The following UBE2V1 variants were observed in gnomAD, a reference collection of about 807,000 sequenced individuals.
UBE2V1 encodes ubiquitin conjugating enzyme E2 V1.
A neutral mutation model predicts 19.6 loss-of-function variants in UBE2V1; 15 were observed. The ratio of observed to expected loss-of-function variants is 0.77; its 90% CI spans 0.51 to 1.18. The LOEUF (loss-of-function observed/expected upper bound fraction) is 1.18, where lower values mean the gene tolerates loss of function less well. UBE2V1 is among the 50% of genes most tolerant of loss of function. The pLI is 0.00. For missense variants in UBE2V1, 125 were observed against 184.8 expected (o/e 0.68, Z 1.88); for synonymous variants, 60 against 60.7 (o/e 0.99, Z 0.05).
intron 1 of UBE2V1, among the ~76,000 whole-genome samples, chr20:50,100,175 G>C (rs2079894579): frequency 6.6e-6 from 1 of 151,732 alleles, no homozygotes; most frequent in Non-Finnish European, 1.5e-5. Flanking sequence ...CAGCTGCTTA[G>C]GAGGCTGAGA....
chr20:50,092,377 C>G (rs1479782514), intron 2 of UBE2V1, among the ~76,000 whole-genome samples: 1 of 152,000 alleles, frequency 6.6e-6, no homozygotes, highest in Non-Finnish European at 1.5e-5. Flanking sequence ...CAGTGCTCCT[C>G]GATGAGGGCC....
intron 2 of UBE2V1, among the ~76,000 whole-genome samples, chr20:50,090,100 G>A (rs1203408253): frequency 2.6e-5 from 4 of 152,330 alleles, no homozygotes; most frequent in East Asian, 3.9e-4. Context: ...TACTGTTTCT[G>A]CAGCAGTATC....
chr20:50,102,698 C>A (rs920221444), intron 1 of UBE2V1, among the ~76,000 whole-genome samples: 2 of 152,260 alleles, frequency 1.3e-5, no homozygotes, highest in Admixed American at 1.3e-4. Context: ...GGCCGACGAT[C>A]CTCTTAAAGG....
chr20:50,104,385 C>T (rs943578075), intron 1 of UBE2V1: 9 of 982,258 alleles, frequency 9.2e-6, no homozygotes, highest in Non-Finnish European at 1.1e-5. Context: ...TGGCTGGGCG[C>T]GGTGGCTCAC....
At chr20:50,091,610 C>T (rs1347775489) in intron 2 of UBE2V1, among the ~76,000 whole-genome samples, 1 of 151,714 alleles carries the variant, frequency 6.6e-6, no homozygotes, top group African/African-American at 2.4e-5. Flanking sequence ...CCAGGCTGGT[C>T]TTGAACTCCT....
intron 1 of UBE2V1, among the ~76,000 whole-genome samples, chr20:50,111,956 C>A (rs986237332): frequency 2.6e-5 from 4 of 152,152 alleles, no homozygotes; most frequent in African/African-American, 9.7e-5. Flanking sequence ...CCTCCTTGGC[C>A]AACTTCACTG....
chr20:50,100,068 A>T (rs1342573855), intron 1 of UBE2V1, among the ~76,000 whole-genome samples: 1 of 152,186 alleles, frequency 6.6e-6, no homozygotes, highest in Admixed American at 6.5e-5. Flanking sequence ...ACTGCACTCC[A>T]GCCTGGGCGA....
chr20:50,106,775 C>T (rs540943555), intron 1 of UBE2V1, among the ~76,000 whole-genome samples: 3 of 151,186 alleles, frequency 2.0e-5, no homozygotes, highest in South Asian at 2.1e-4. Context: ...GCAGAGGTTG[C>T]GGTGAGCCAA....
chr20:50,084,441 G>T, intron 2 of UBE2V1, 187 bp from the exon 3 acceptor site: 2 of 1,038,104 alleles, frequency 1.9e-6, no homozygotes, highest in Non-Finnish European at 2.9e-6. Flanking sequence ...TGACTTCCGG[G>T]CCTTGGGGGA....
chr20:50,096,181 G>A (rs2079609397), intron 2 of UBE2V1: 1 of 162,394 alleles, frequency 6.2e-6, no homozygotes, highest in African/African-American at 2.4e-5. Context: ...TCTGGGTCTA[G>A]TAGTGCCTGG....
chr20:50,082,360 A>G lies in UBE2V1; in HGVS notation c.*408T>C. The G allele has an allele frequency of 5.4e-6, 1 of 185,410 alleles. No homozygotes were observed. The highest frequency in any genetic ancestry group is 9.8e-5 in the South Asian group (1 of 10,158). 11.5% of individuals were successfully genotyped at this position (185,410 alleles called of 1,614,324 possible). On this transcript the variant is annotated 3_prime_UTR_variant, in exon 4 of 4. Coordinates refer to ENST00000371674, the MANE Select transcript of UBE2V1 (RefSeq NM_001032288.3). ...CCCCAGGCTAGAGGGCTGTTGTTGCAGGGAGGGTGGGAGGCGGGAGGGTAA... is the reference window on the plus strand; with the variant it reads ...CCCCAGGCTAGAGGGCTGTTGTTGCGGGGAGGGTGGGAGGCGGGAGGGTAA...
At chr20:50,109,038 A>G in intron 1 of UBE2V1, 4 of 985,468 alleles carry the variant, frequency 4.1e-6, no homozygotes, top group Non-Finnish European at 4.8e-6. Context: ...TAGTCCGAGC[A>G]TCACCAGTCT....
At chr20:50,092,447 TGGTTGCTGCAATGGAGACGGG>T (rs2079297687) in intron 2 of UBE2V1, among the ~76,000 whole-genome samples, 1 of 152,114 alleles carries the variant, frequency 6.6e-6, no homozygotes, top group African/African-American at 2.4e-5. Flanking sequence ...GACACATTTA[TGGTTGCTGCAATGGAGACGGG>T]GGTACTGCTG....
intron 1 of UBE2V1, among the ~76,000 whole-genome samples, chr20:50,106,532 A>AT (rs1194906744): frequency 6.6e-6 from 1 of 152,204 alleles, no homozygotes; most frequent in Non-Finnish European, 1.5e-5. Flanking sequence ...TAGGTCTTGA[A>AT]TTAAAATGGT....
chr20:50,101,714 G>A (rs1020218909), intron 1 of UBE2V1, among the ~76,000 whole-genome samples: 3 of 151,872 alleles, frequency 2.0e-5, no homozygotes, highest in Non-Finnish European at 4.4e-5. Context: ...TTCTCTCAGT[G>A]TGATAGTTAT....
chr20:50,088,047 T>C (rs1384112876), intron 2 of UBE2V1, among the ~76,000 whole-genome samples: 1 of 148,584 alleles, frequency 6.7e-6, no homozygotes. Context: ...CTGGAGATTA[T>C]AAATTTTTCC....
chr20:50,090,770 T>C (rs2079171043), intron 2 of UBE2V1, among the ~76,000 whole-genome samples: 2 of 152,180 alleles, frequency 1.3e-5, no homozygotes, highest in Non-Finnish European at 2.9e-5. Context: ...TTACTTGAAA[T>C]TTGGTAAAAG....
intron 2 of UBE2V1, among the ~76,000 whole-genome samples, chr20:50,091,528 A>C (rs2079226235): frequency 6.8e-6 from 1 of 146,140 alleles, no homozygotes; most frequent in Admixed American, 7.1e-5. Context: ...CAGCCTCCTG[A>C]GTCAGGCATC....
intron 1 of UBE2V1, among the ~76,000 whole-genome samples, chr20:50,099,449 G>A (rs899732094): frequency 6.6e-6 from 1 of 152,206 alleles, no homozygotes; most frequent in African/African-American, 2.4e-5. Flanking sequence ...TACAGAACAA[G>A]ATGTTAACAG....
Sources: gnomAD v4.1 joint callset for allele counts (sites outside exome capture counted in the v4.1 genomes callset) on GRCh38, gnomAD v4.1.1 for gene constraint, MANE v1.5 for transcripts, NCBI Gene and HGNC (gene_info 2026-07-23, HGNC 2026-07-21) for gene names.